TES: variants seen among roughly 807,000 people sequenced by gnomAD.
TES encodes the protein testin LIM domain protein.
Under a neutral mutation model 48.2 loss-of-function variants are expected in TES, and 41 were observed. The observed-to-expected ratio is 0.85, with a 90% CI of 0.66 to 1.10. TES has a LOEUF of 1.10. Ranked by LOEUF, TES falls within the 50% of genes least tolerant of loss-of-function variation. The probability of loss-of-function intolerance (pLI) is 0.00; values close to 1 mark genes in which losing one functional copy is unlikely to be tolerated. For synonymous variants in TES, 162 were observed against 174.9 expected, an observed-to-expected ratio of 0.93 and a Z score of 0.58; for missense variants, 463 against 515.1, an observed-to-expected ratio of 0.90 and a Z score of 0.98.
intron 6 of TES, among the ~76,000 whole-genome samples, chr7:116,256,211 C>G (rs1800096151): frequency 6.6e-6 from 1 of 152,144 alleles, no homozygotes; most frequent in South Asian, 2.1e-4. Flanking sequence ...GGCCTCACTT[C>G]ACTGCCTAAA....
chr7:116,245,870 C>A (rs1799917009), intron 2 of TES, among the ~76,000 whole-genome samples: 1 of 152,248 alleles, frequency 6.6e-6, no homozygotes, highest in South Asian at 2.1e-4. Context: ...CAAACATGTT[C>A]TTTACATTGT....
chr7:116,233,962 C>T (rs1161010167), intron 1 of TES, among the ~76,000 whole-genome samples: 1 of 152,054 alleles, frequency 6.6e-6, no homozygotes, highest in Admixed American at 6.6e-5. Flanking sequence ...TCATAAAGGC[C>T]CAGCTTCTTA....
chr7:116,253,700 C>G (rs2116633080), intron 6 of TES, among the ~76,000 whole-genome samples: 1 of 152,178 alleles, frequency 6.6e-6, no homozygotes, highest in Middle Eastern at 3.4e-3. Flanking sequence ...ATACACCGTA[C>G]TTTTCCCTGT....
At chr7:116,237,725 G>A (rs1327226388) in intron 2 of TES, among the ~76,000 whole-genome samples, 1 of 152,130 alleles carries the variant, frequency 6.6e-6, no homozygotes, top group East Asian at 1.9e-4. Context: ...AGTTCTAGAG[G>A]CTGGAAAGTT....
intron 2 of TES, among the ~76,000 whole-genome samples, chr7:116,242,170 C>T (rs1799857009): frequency 6.6e-6 from 1 of 152,130 alleles, no homozygotes; most frequent in African/African-American, 2.4e-5. Context: ...TGCTGTAGCT[C>T]ACAGCCATAT....
rs1262903759 is a variant in TES, at chr7:116,250,477, A to T, written c.683A>T (p.Glu228Val). The change falls in exon 4 of 7, where the codon GAG becomes GTG. Residue 228 changes from glutamate to valine, a missense_variant. Transcript: ENST00000358204. ...GGGGCCATGGAGGACAAATCTGCTG[A>T]GCACAAAAGAACTCAATATGTAAGT... ...AVGAMEDKSAEHKRTQYSCYC... is the reference protein window; with the variant it reads ...AVGAMEDKSAVHKRTQYSCYC... 6.4e-7 allele frequency: 1 copy of T among 1,553,114 alleles called. No homozygotes were observed. The highest frequency in any genetic ancestry group is 2.0e-5 in the Admixed American group (1 of 50,010).
intron 6 of TES, 127 bp from the exon 7 acceptor site, chr7:116,257,167 C>T: frequency 2.0e-6 from 2 of 1,014,814 alleles, no homozygotes; most frequent in South Asian, 1.9e-5. Flanking sequence ...GGCCACCCTC[C>T]ATTGTGTATT....
intron 1 of TES, among the ~76,000 whole-genome samples, chr7:116,221,885 G>A (rs1251148119): frequency 1.3e-5 from 2 of 152,106 alleles, no homozygotes; most frequent in East Asian, 3.9e-4. Context: ...TTTGAAAATT[G>A]TCTGATTTCC....
At chr7:116,211,938 AG>A (rs1414859446) in intron 1 of TES, among the ~76,000 whole-genome samples, 4 of 152,244 alleles carry the variant, frequency 2.6e-5, no homozygotes, top group Non-Finnish European at 4.4e-5. Context: ...GCACTCAAAA[AG>A]GTATCCAAGA....
At chr7:116,210,789 C>T in intron 1 of TES, 55 bp downstream of exon 1, 1 of 1,227,864 alleles carries the variant, frequency 8.1e-7, no homozygotes, top group Non-Finnish European at 1.0e-6. Flanking sequence ...GGTCGCGCGG[C>T]GCGCGGCGGC....
At chr7:116,246,448 CA>C (rs1296830079) in intron 2 of TES, among the ~76,000 whole-genome samples, 11 of 152,170 alleles carry the variant, frequency 7.2e-5, no homozygotes, top group African/African-American at 2.7e-4. Context: ...ATTCCATTAC[CA>C]AAAAGCCTTT....
At chr7:116,214,222 T>C (rs1401660538) in intron 1 of TES, among the ~76,000 whole-genome samples, 1 of 152,198 alleles carries the variant, frequency 6.6e-6, no homozygotes, top group Non-Finnish European at 1.5e-5. Context: ...CCTTTCTCTG[T>C]ATCCAAACTT....
chr7:116,213,484 A>T (rs1304051525), intron 1 of TES, among the ~76,000 whole-genome samples: 1 of 152,250 alleles, frequency 6.6e-6, no homozygotes, highest in Non-Finnish European at 1.5e-5. Context: ...TGTAAAAAGA[A>T]TTAAGGAGGA....
rs1264344914 is a variant in TES at position 116,252,832 on chromosome 7, C to T, written c.1077+356C>T. ...TAGGGGCTATTGATATTCTTTAGCTCTATTTGAATATGATGCTTTCTGTTT... is the reference window on the plus strand; with the variant it reads ...TAGGGGCTATTGATATTCTTTAGCTTTATTTGAATATGATGCTTTCTGTTT... On this transcript the variant is annotated intron_variant, in intron 6 of 6. Coordinates refer to ENST00000358204, the MANE Select transcript of TES (RefSeq NM_015641.4). 2.6e-5 allele frequency: 7 copies of T among 271,576 alleles called. No individual in the cohort carries two copies. The East Asian group carries it at 6.4e-4, about 25-fold the overall frequency. The allele number at this position is 271,576 out of a possible 1,614,324, so 16.8% of individuals were successfully genotyped here.
intron 1 of TES, among the ~76,000 whole-genome samples, chr7:116,234,037 A>T (rs56401440): frequency 0.12 from 18,252 of 152,224 alleles, 1,103 homozygotes; most frequent in South Asian, 0.19. Context: ...TTAAAGCCAT[A>T]GCACTGGCAT....
intron 1 of TES, among the ~76,000 whole-genome samples, chr7:116,216,053 C>G (rs1267935143): frequency 6.6e-6 from 1 of 152,112 alleles, no homozygotes; most frequent in East Asian, 1.9e-4. Flanking sequence ...TGACATCCAG[C>G]ATTGTTAGCA....
In TES at chr7:116,251,814, G is replaced by GAAAGGGCTGGCTATGAT; in HGVS notation, c.761_777dup (p.Leu260GlyfsTer25). The GAAAGGGCTGGCTATGAT allele has an allele frequency of 6.2e-7, 1 of 1,614,192 alleles. No homozygotes were observed. The highest frequency in any genetic ancestry group is 8.5e-7 in the Non-Finnish European group (1 of 1,180,038). ...AGAAGGTGACCCAGCCATCTATGCC[G>GAAAGGGCTGGCTATGAT]AAAGGGCTGGCTATGATAAACTGTG... On this transcript the variant is annotated frameshift_variant, in exon 5 of 7. Transcript: ENST00000358204. LOFTEE classifies it high-confidence loss of function.
rs1196141228 is a variant in TES, at chr7:116,257,393, T to A, written c.1177T>A (p.Cys393Ser). 4 of 1,614,098 alleles carry A rather than the reference T, an allele frequency of 2.5e-6. No individual in the cohort carries two copies. The highest frequency in any genetic ancestry group is 3.4e-6 in the Non-Finnish European group (4 of 1,180,008). The change falls in exon 7 of 7, where the codon TGC becomes AGC. Residue 393 changes from cysteine (C) to serine (S), a missense_variant. By Grantham distance (112) the Cys-to-Ser change is moderately radical. Coordinates refer to ENST00000358204, the MANE Select transcript of TES (RefSeq NM_015641.4). The part of the protein sequence containing the change: ...HASTECFLCS[C>S]CSKCLIGQKF... Reference sequence around the variant, plus strand: ...ATCCACAGAGTGCTTTCTGTGCTCTTGCTGCAGCAAATGCCTCATTGGGCA... The same window carrying A: ...ATCCACAGAGTGCTTTCTGTGCTCTAGCTGCAGCAAATGCCTCATTGGGCA...
intron 3 of TES, 58 bp from the exon 4 acceptor site, chr7:116,250,103 G>A (rs57512222): frequency 0.13 from 186,732 of 1,413,996 alleles, 13,253 homozygotes; most frequent in African/African-American, 0.26. Context: ...TGTGTGTTAT[G>A]AAACATCACA....
Sources: allele counts gnomAD v4.1 joint callset (sites outside exome capture counted in the v4.1 genomes callset), GRCh38; gene constraint gnomAD v4.1.1; transcripts MANE v1.5; gene names NCBI Gene and HGNC (gene_info 2026-07-23, HGNC 2026-07-21).